Variants in SLF2 observed in about 807,000 individuals in gnomAD.
SLF2 encodes the protein SMC5-SMC6 complex localization factor protein 2.
A neutral mutation model predicts 124.3 loss-of-function variants in SLF2; 68 were observed. The observed-to-expected ratio is 0.55, with a 90% confidence interval of 0.45 to 0.67. The LOEUF (loss-of-function observed/expected upper bound fraction) is 0.67. SLF2 is among the 30% of genes least tolerant of loss of function. The pLI is 0.00. For synonymous variants in SLF2, 480 were observed against 478.8 expected, an observed-to-expected ratio of 1.00 and a Z score of -0.03; for missense variants, 1,246 against 1,373.7, an observed-to-expected ratio of 0.91 and a Z score of 1.47.
chr10:100,912,991 G>C lies in SLF2; in HGVS notation c.-120G>C, dbSNP rs955004250. Reference sequence around the variant, plus strand: ...TCCGAAGAGAGAACCGCCATGAAGAGAGAAGGGGGTGCCGCCCACCTCTGC... The same window carrying C: ...TCCGAAGAGAGAACCGCCATGAAGACAGAAGGGGGTGCCGCCCACCTCTGC... On this transcript the variant is annotated 5_prime_UTR_variant, in exon 1 of 20. Coordinates refer to ENST00000238961, the MANE Select transcript of SLF2 (RefSeq NM_018121.4). 3.6e-6 allele frequency: 4 copies of C among 1,099,538 alleles called. No individual in the cohort carries two copies. The African/African-American group carries it at 4.7e-5, about 13-fold the overall frequency. 68.1% of individuals were successfully genotyped at this position (1,099,538 alleles called of 1,614,324 possible). A position where few individuals can be genotyped will look rare whatever the true frequency, so the allele number is the denominator to read the frequency against.
chr10:100,919,246 C>T (rs892111365), intron 4 of SLF2, among the ~76,000 whole-genome samples: 1 of 151,906 alleles, frequency 6.6e-6, no homozygotes, highest in African/African-American at 2.4e-5. Context: ...CTCCTGACCT[C>T]GTGATCTGCC....
chr10:100,944,279 A>C, intron 12 of SLF2, 151 bp downstream of exon 12: 3 of 493,012 alleles, frequency 6.1e-6, no homozygotes, highest in Non-Finnish European at 1.1e-5. Flanking sequence ...GCAGATCACA[A>C]GGTCAGGAGA....
intron 18 of SLF2, 85 bp downstream of exon 18, chr10:100,956,622 A>G (rs1367550747): frequency 1.0e-6 from 1 of 1,002,058 alleles, no homozygotes; most frequent in Non-Finnish European, 1.5e-6. Context: ...ACAGGCCTAT[A>G]TTCAGAAAAA....
Position 100,945,337 on chromosome 10 carries a change from G to T in SLF2, c.2765G>T (p.Gly922Val), listed in dbSNP as rs752098217. ...TGCATTTATGTTAAACAGTTTCTAGGCTTGTGTACATCTATACATCCAGAA... is the reference window on the plus strand; with the variant it reads ...TGCATTTATGTTAAACAGTTTCTAGTCTTGTGTACATCTATACATCCAGAA... Reference protein sequence around the residue: ...TNILNVVKFLGLCTSIHPEGY... With the variant: ...TNILNVVKFLVLCTSIHPEGY... Residue 922 changes from glycine to valine, a missense_variant, in exon 13 of 20, where the codon GGC becomes GTC. Around this residue, in one of 3 missense-constraint regions of SLF2, gnomAD observed 535 missense variants for 632.8 expected, o/e 0.85. Transcript: ENST00000238961. The T allele has an allele frequency of 1.3e-6, 2 of 1,576,112 alleles. No individual in the cohort carries two copies. Among genetic ancestry groups the T allele is most frequent in the Admixed American group, 2.0e-5 (1 of 48,838 alleles).
intron 4 of SLF2, among the ~76,000 whole-genome samples, chr10:100,920,171 A>G (rs1447490015): frequency 6.6e-6 from 1 of 152,234 alleles, no homozygotes; most frequent in Non-Finnish European, 1.5e-5. Context: ...CACTCACTGT[A>G]TTGCACATTT....
At chr10:100,954,913 T>C (rs1850296768) in intron 17 of SLF2, among the ~76,000 whole-genome samples, 1 of 150,854 alleles carries the variant, frequency 6.6e-6, no homozygotes, top group African/African-American at 2.4e-5. Flanking sequence ...ACCATTGCAC[T>C]CCAGCCTGGA....
At position 100,917,179 on chromosome 10, in the gene SLF2, A is replaced by T; in HGVS notation, c.794A>T (p.Asn265Ile). The change falls in exon 3 of 20, where the codon AAT becomes ATT. Residue 265 changes from asparagine (N) to isoleucine (I), a missense_variant. Physicochemically the swap from Asn to Ile is moderately radical, Grantham distance 149. Transcript: ENST00000238961. ...EQMEQRINSE[N>I]SFSEASSLSL... The stretch of plus-strand genomic sequence containing the variant: ...ATGGAGCAGAGAATCAACTCCGAGA[A>T]TTCTTTCTCAGAAGCAAGCAGTCTT... 6.2e-7 allele frequency: 1 copy of T among 1,614,198 alleles called. No individual in the cohort carries two copies. Among genetic ancestry groups the T allele is most frequent in the Non-Finnish European group, 8.5e-7 (1 of 1,180,048 alleles).
At chr10:100,943,498 A>G (rs188560246) in intron 11 of SLF2, among the ~76,000 whole-genome samples, 1 of 152,328 alleles carries the variant, frequency 6.6e-6, no homozygotes, top group African/African-American at 2.4e-5. Flanking sequence ...AATGTTATCT[A>G]TCTTTTGAAA....
chr10:100,917,418 T>TA (rs1375438135), intron 3 of SLF2, 118 bp downstream of exon 3: 12 of 1,153,738 alleles, frequency 1.0e-5, no homozygotes, highest in Non-Finnish European at 1.2e-5. Flanking sequence ...AGGAAATACT[T>TA]ATGCACAGTT....
intron 6 of SLF2, 103 bp from the exon 7 acceptor site, chr10:100,929,214 G>T: frequency 2.7e-6 from 3 of 1,093,654 alleles, no homozygotes; most frequent in Non-Finnish European, 3.8e-6. Context: ...ATATACCAGG[G>T]TACTTAATAA....
At chr10:100,933,113 CA>C (rs1245801883) in intron 9 of SLF2, among the ~76,000 whole-genome samples, 1 of 152,048 alleles carries the variant, frequency 6.6e-6, no homozygotes, top group African/African-American at 2.4e-5. Context: ...AAAAAACAAA[CA>C]AAAAATTTCC....
chr10:100,947,716 A>C, intron 14 of SLF2, 44 bp from the exon 15 acceptor site: 1 of 1,367,570 alleles, frequency 7.3e-7, no homozygotes, highest in Non-Finnish European at 1.0e-6. Flanking sequence ...TTCAAGCAGT[A>C]TTAATTAAAA....
chr10:100,936,816 T>C (rs1354524502), intron 9 of SLF2, among the ~76,000 whole-genome samples: 3 of 152,200 alleles, frequency 2.0e-5, no homozygotes, highest in African/African-American at 7.2e-5. Context: ...AAAAAGACAT[T>C]TTTTGATAGT....
At chr10:100,923,803 G>T (rs1849560522) in intron 4 of SLF2, among the ~76,000 whole-genome samples, 172 bp from the exon 5 acceptor site, 1 of 152,230 alleles carries the variant, frequency 6.6e-6, no homozygotes, top group East Asian at 1.9e-4. Flanking sequence ...TTGGACACCA[G>T]TATTTATCCA....
Position 100,931,076 on chromosome 10 carries a change from C to T in SLF2, c.2434C>T (p.Arg812Trp), listed in dbSNP as rs571910140. 23 of 1,609,446 alleles carry T rather than the reference C, an allele frequency of 1.4e-5. No homozygotes were observed. Among genetic ancestry groups the T allele is most frequent in the African/African-American group, 2.7e-5 (2 of 74,726 alleles). ...CPVPVLKWLF[R>W]MMSVHTDCIV... Reference sequence around the variant, plus strand: ...TGTCCCTGTGTTAAAGTGGCTGTTTCGGGTAAGAGGAATGTTTAGAGGGTT... The same window carrying T: ...TGTCCCTGTGTTAAAGTGGCTGTTTTGGGTAAGAGGAATGTTTAGAGGGTT... Residue 812 changes from arginine (R) to tryptophan (W), a missense_variant and splice_region_variant, in exon 9 of 20, where the codon CGG (arginine) becomes TGG (tryptophan). This residue lies in a region of SLF2 where 535 missense variants were observed against 632.8 expected (regional missense o/e 0.85). Coordinates refer to ENST00000238961, the MANE Select transcript of SLF2 (RefSeq NM_018121.4).
intron 2 of SLF2, among the ~76,000 whole-genome samples, chr10:100,916,351 A>G (rs188292112): frequency 2.5e-4 from 38 of 152,262 alleles, no homozygotes; most frequent in African/African-American, 8.7e-4. Flanking sequence ...GATGTACCAA[A>G]AGAGAGCTTT....
At chr10:100,914,532 T>A (rs894912396) in intron 1 of SLF2, among the ~76,000 whole-genome samples, 2 of 152,192 alleles carry the variant, frequency 1.3e-5, no homozygotes, top group African/African-American at 4.8e-5. Flanking sequence ...AAAATGCATT[T>A]AGAATTATCT....
At chr10:100,921,414 T>G (rs554286800) in intron 4 of SLF2, among the ~76,000 whole-genome samples, 4 of 152,304 alleles carry the variant, frequency 2.6e-5, no homozygotes, top group African/African-American at 9.6e-5. Flanking sequence ...TCAATCTCTC[T>G]CTTATATGAA....
rs764299679 is a variant in SLF2, at chr10:100,924,293, C to T, written c.1292C>T (p.Thr431Ile). 3 of 1,614,000 alleles carry T rather than the reference C, an allele frequency of 1.9e-6. No individual in the cohort carries two copies. The highest frequency in any genetic ancestry group is 2.5e-6 in the Non-Finnish European group (3 of 1,179,996). ...RNSDQIQVAGTKETKMQKPHL... is the reference protein window; with the variant it reads ...RNSDQIQVAGIKETKMQKPHL... ...AGTGACCAAATCCAAGTGGCAGGTACCAAGGAGACTAAGATGCAGAAACCC... is the reference window on the plus strand; with the variant it reads ...AGTGACCAAATCCAAGTGGCAGGTATCAAGGAGACTAAGATGCAGAAACCC... Residue 431 changes from threonine (T) to isoleucine (I), a missense_variant, in exon 5 of 20, where the codon ACC becomes ATC. Coordinates refer to ENST00000238961, the MANE Select transcript of SLF2 (RefSeq NM_018121.4).
Sources: allele counts gnomAD v4.1 joint callset (sites outside exome capture counted in the v4.1 genomes callset), GRCh38; gene constraint gnomAD v4.1.1; regional missense constraint gnomAD v4.1.1; transcripts MANE v1.5; gene names NCBI Gene and HGNC (gene_info 2026-07-23, HGNC 2026-07-21).